The following DPP6 variants were observed in gnomAD, a reference collection of about 807,000 sequenced individuals.
DPP6 encodes A-type potassium channel modulatory protein DPP6.
A neutral mutation model predicts 122.6 loss-of-function variants in DPP6; 69 were observed. The ratio of observed to expected loss-of-function variants is 0.56; its 90% confidence interval spans 0.46 to 0.69. DPP6 has a LOEUF of 0.69. Ranked by LOEUF, DPP6 falls within the 30% of genes least tolerant of loss-of-function variation. DPP6 has a pLI of 0.00. For missense variants in DPP6, 928 were observed against 1,116.9 expected (o/e 0.83, Z 2.41); for synonymous variants, 418 against 433.1 (o/e 0.97, Z 0.43).
At chr7:153,795,364 A>G in the DPP6 span, among the ~76,000 whole-genome samples, 1 of 152,238 alleles carries the variant, frequency 6.6e-6, no homozygotes, top group African/African-American at 2.4e-5. Flanking sequence ...GCAGTGAGCT[A>G]GGATTGCGCC....
chr7:154,098,069 C>T (rs75654141), intron 1 of DPP6, among the ~76,000 whole-genome samples: 8,217 of 152,174 alleles, frequency 0.054, 245 homozygotes, highest in Middle Eastern at 0.19. Flanking sequence ...GTGTCCCCAC[C>T]CAAATCTCAC....
intron 1 of DPP6, among the ~76,000 whole-genome samples, chr7:154,218,170 T>G (rs1800107415): frequency 6.6e-6 from 1 of 151,944 alleles, no homozygotes; most frequent in Non-Finnish European, 1.5e-5. Flanking sequence ...GAATAGAGGG[T>G]GAGTTGGGAT....
chr7:154,473,570 C>G (rs73169387), intron 2 of DPP6, among the ~76,000 whole-genome samples: 2 of 152,212 alleles, frequency 1.3e-5, no homozygotes, highest in Admixed American at 1.3e-4. Flanking sequence ...CCAAAAGTGA[C>G]GTAATAAAAC....
At chr7:154,837,255 A>C (rs539170542) in intron 16 of DPP6, among the ~76,000 whole-genome samples, 1 of 151,426 alleles carries the variant, frequency 6.6e-6, no homozygotes, top group East Asian at 1.9e-4. Context: ...GCACATTCAC[A>C]CATGCACACA....
intron 1 of DPP6, among the ~76,000 whole-genome samples, chr7:154,314,148 T>C (rs1452897882): frequency 6.6e-5 from 10 of 152,268 alleles, no homozygotes; most frequent in Non-Finnish European, 1.5e-4. Context: ...TTGGCATGGA[T>C]GCCCCTGACT....
At chr7:154,135,203 A>G (rs1164776161) in intron 1 of DPP6, among the ~76,000 whole-genome samples, 1 of 150,592 alleles carries the variant, frequency 6.6e-6, no homozygotes, top group Non-Finnish European at 1.5e-5. Flanking sequence ...GTAAGCCTAC[A>G]CTTCTTGTGA....
chr7:154,671,284 G>A (rs534947655), intron 7 of DPP6, among the ~76,000 whole-genome samples: 13 of 152,216 alleles, frequency 8.5e-5, no homozygotes, highest in East Asian at 5.8e-4. Context: ...TGCCTGCTGC[G>A]GATCCATTAC....
At chr7:154,850,419 A>T (rs1802276881) in intron 16 of DPP6, among the ~76,000 whole-genome samples, 1 of 151,548 alleles carries the variant, frequency 6.6e-6, no homozygotes, top group Admixed American at 6.6e-5. Flanking sequence ...GGGGTGGGGG[A>T]GTTTGGTAGT....
At chr7:154,814,781 A>C (rs921696580) in intron 16 of DPP6, among the ~76,000 whole-genome samples, 5 of 152,204 alleles carry the variant, frequency 3.3e-5, no homozygotes, top group Admixed American at 1.3e-4. Flanking sequence ...GGTTGCCAGC[A>C]GTCCTTGGCA....
At chr7:153,991,965 G>A (rs1344408122) in intron 1 of DPP6, among the ~76,000 whole-genome samples, 1 of 152,022 alleles carries the variant, frequency 6.6e-6, no homozygotes, top group African/African-American at 2.4e-5. Flanking sequence ...GTCTGAGGTC[G>A]AAGTGCTGGC....
At position 154,060,569 on chromosome 7, in the gene DPP6, A is replaced by G. The variant is rs1488949201; in HGVS notation, c.243+7506A>G. ...AAGTTCAAATCTTCCGACGGCAGGT[A>G]CCTTACGTGGGATTACTGAGAGCCA... On this transcript the variant is annotated intron_variant, in intron 1 of 25. Coordinates refer to ENST00000377770, the MANE Select transcript of DPP6 (RefSeq NM_130797.4). 1.8e-4 allele frequency among the ~76,000 whole-genome samples: 20 copies of G among 113,756 alleles called. No individual in the cohort carries two copies. In the Admixed American group the frequency reaches 1.9e-3, roughly 11 times the overall value. The allele number at this position is 113,756 out of a possible 152,430, so 74.6% of individuals were successfully genotyped here.
chr7:153,990,909 C>G (rs1238300670), intron 1 of DPP6, among the ~76,000 whole-genome samples: 1 of 152,208 alleles, frequency 6.6e-6, no homozygotes, highest in Non-Finnish European at 1.5e-5. Context: ...CTGTTCAAAT[C>G]ATATGTCTCT....
At chr7:153,785,186 T>A in the DPP6 span, among the ~76,000 whole-genome samples, 1 of 152,182 alleles carries the variant, frequency 6.6e-6, no homozygotes, top group Non-Finnish European at 1.5e-5. Flanking sequence ...AGGAAAGAGC[T>A]GGTTATCATG....
intron 1 of DPP6, among the ~76,000 whole-genome samples, chr7:154,289,745 A>G (rs962716804): frequency 1.3e-5 from 2 of 151,228 alleles, no homozygotes; most frequent in Non-Finnish European, 2.9e-5. Context: ...CTTAATTTTT[A>G]CACATTGAAT....
At chr7:154,530,762 C>A (rs1055272546) in intron 3 of DPP6, among the ~76,000 whole-genome samples, 1 of 152,130 alleles carries the variant, frequency 6.6e-6, no homozygotes, top group African/African-American at 2.4e-5. Flanking sequence ...CAATGATAGA[C>A]TGGATCAAGA....
chr7:154,599,659 A>G (rs1460108335), intron 5 of DPP6, among the ~76,000 whole-genome samples: 2 of 151,754 alleles, frequency 1.3e-5, no homozygotes, highest in Non-Finnish European at 2.9e-5. Flanking sequence ...TCCTAATGCT[A>G]TCCCTCCCCC....
chr7:154,352,095 C>T (rs1051684246), intron 1 of DPP6, among the ~76,000 whole-genome samples: 22 of 152,056 alleles, frequency 1.4e-4, no homozygotes, highest in African/African-American at 5.3e-4. Flanking sequence ...AGAGCTGCTT[C>T]CATAGGCGGA....
At chr7:154,466,436 T>C (rs1255215339) in intron 2 of DPP6, among the ~76,000 whole-genome samples, 2 of 152,208 alleles carry the variant, frequency 1.3e-5, no homozygotes, top group Non-Finnish European at 2.9e-5. Context: ...GCAGGGTTGG[T>C]TTATGGTGAA....
chr7:153,851,360 C>A, the DPP6 span, among the ~76,000 whole-genome samples: 1 of 152,146 alleles, frequency 6.6e-6, no homozygotes, highest in Non-Finnish European at 1.5e-5. Flanking sequence ...ATATTGCTGT[C>A]CTCCTCTCAT....
Sources: gnomAD v4.1 joint callset for allele counts (sites outside exome capture counted in the v4.1 genomes callset) on GRCh38, gnomAD v4.1.1 for gene constraint, MANE v1.5 for transcripts, NCBI Gene and HGNC (gene_info 2026-07-23, HGNC 2026-07-21) for gene names.